KRT73: variants seen among roughly 807,000 people sequenced by gnomAD.
KRT73 encodes the protein keratin 73, also known as keratin, type II cytoskeletal 73.
Under a neutral mutation model 47.2 loss-of-function variants are expected in KRT73, and 44 were observed. That is an observed-to-expected ratio of 0.93 (90% CI 0.73 to 1.20). The LOEUF is 1.20. KRT73 is among the 50% of genes most tolerant of loss of function. The probability of loss-of-function intolerance (pLI) is 0.00; values close to 1 mark genes in which losing one functional copy is unlikely to be tolerated. For missense variants in KRT73, 713 were observed against 704.5 expected, an observed-to-expected ratio of 1.01 and a Z score of -0.14; for synonymous variants, 285 against 291.3, an observed-to-expected ratio of 0.98 and a Z score of 0.22.
At chr12:52,613,547 C>T in intron 5 of KRT73, 141 bp downstream of exon 5, 2 of 1,463,896 alleles carry the variant, frequency 1.4e-6, no homozygotes, top group Non-Finnish European at 1.8e-6. Context: ...CTTCTCCTCC[C>T]CTTTGGCTTC....
rs1940618212 is a variant in KRT73, at chr12:52,608,038, A to G, written c.*158T>C. The G allele has an allele frequency of 1.3e-6, 1 of 751,330 alleles. No homozygotes were observed. Among genetic ancestry groups the G allele is most frequent in the Admixed American group, 2.7e-5 (1 of 37,676 alleles). 46.5% of individuals were successfully genotyped at this position (751,330 alleles called of 1,614,324 possible). ...TCAAATCCTGATTCAACATTAACAA[A>G]GACTGAGGCAGAGAGGTCAAGGAGA... On this transcript the variant is annotated 3_prime_UTR_variant, in exon 9 of 9. Coordinates refer to ENST00000305748, the MANE Select transcript of KRT73 (RefSeq NM_175068.3).
Position 52,608,204 on chromosome 12 carries a change from T to C in KRT73, c.1615A>G (p.Met539Val), listed in dbSNP as rs1243547525. The C allele has an allele frequency of 2.5e-6, 4 of 1,611,466 alleles. No homozygotes were observed. Among genetic ancestry groups the C allele is most frequent in the Admixed American group, 3.3e-5 (2 of 59,780 alleles). The stretch of plus-strand genomic sequence containing the variant: ...TGGGCTGTGTTGCACTTTTATCTCA[T>C]GGTTTTTTTGGTGGGTGAGCTTAGA... ...LALSSPTKKT[M>V]R The change falls in exon 9 of 9, where the codon ATG (methionine) becomes GTG (valine). Residue 539 changes from methionine to valine, a missense_variant. Physicochemically the swap from Met to Val is conservative, Grantham distance 21. Coordinates refer to ENST00000305748, the MANE Select transcript of KRT73 (RefSeq NM_175068.3).
At chr12:52,611,402 G>T in intron 5 of KRT73, 73 bp from the exon 6 acceptor site, 1 of 1,573,410 alleles carries the variant, frequency 6.4e-7, no homozygotes, top group South Asian at 1.1e-5. Context: ...CAGAGACTGT[G>T]CCTGCACTTG....
chr12:52,613,694 C>A lies in KRT73; in HGVS notation c.978G>T (p.Gln326His). 1 of 1,614,140 alleles carries A rather than the reference C, an allele frequency of 6.2e-7. No homozygotes were observed. Among genetic ancestry groups the A allele is most frequent in the Non-Finnish European group, 8.5e-7 (1 of 1,179,988 alleles). The change falls in exon 5 of 9, where the codon CAG becomes CAT. Residue 326 changes from glutamine to histidine, a missense_variant. Physicochemically the swap from Gln to His is conservative, Grantham distance 24. Coordinates refer to ENST00000305748, the MANE Select transcript of KRT73 (RefSeq NM_175068.3). Reference sequence around the variant, plus strand: ...GGGAGTTTTGCGGCCTCACCTTGGTCTGGTACAGGGCCTCGGCCTCGGCCT... The same window carrying A: ...GGGAGTTTTGCGGCCTCACCTTGGTATGGTACAGGGCCTCGGCCTCGGCCT... Reference protein sequence around the residue: ...KSKAEAEALYQTKFQELQLAA... With the variant: ...KSKAEAEALYHTKFQELQLAA...
At chr12:52,616,680 C>T (rs1470745819) in intron 1 of KRT73, among the ~76,000 whole-genome samples, 1 of 152,114 alleles carries the variant, frequency 6.6e-6, no homozygotes, top group Admixed American at 6.5e-5. Context: ...CTGCCTGGAC[C>T]GATGTCCATG....
intron 5 of KRT73, 50 bp from the exon 6 acceptor site, chr12:52,611,379 G>A (rs1365194183): frequency 6.2e-6 from 10 of 1,609,722 alleles, no homozygotes; most frequent in Non-Finnish European, 7.6e-6. Context: ...GCTTGGCTGG[G>A]ATCAGCCTGG....
chr12:52,627,077 G>C, the KRT73 span, among the ~76,000 whole-genome samples: 1 of 152,138 alleles, frequency 6.6e-6, no homozygotes, highest in South Asian at 2.1e-4. Context: ...TATGTGCCCA[G>C]CACTGCTCTG....
In KRT73 at chr12:52,616,185, C is replaced by T. The variant is rs903862050; in HGVS notation, c.643G>A (p.Val215Met). Residue 215 changes from valine (V) to methionine (M), a missense_variant, in exon 2 of 9, where the codon GTG (valine) becomes ATG (methionine). Coordinates refer to ENST00000305748, the MANE Select transcript of KRT73 (RefSeq NM_175068.3). ...GCTCACCTCTTCTTGTAGTCCTCCACCACTTCGCGCACGCTCCTCAGCTCC... is the reference window on the plus strand; with the variant it reads ...GCTCACCTCTTCTTGTAGTCCTCCATCACTTCGCGCACGCTCCTCAGCTCC... ...DSELRSVREV[V>M]EDYKKRYEEE... is the part of the protein sequence containing the mutation. 8 of 1,614,012 alleles carry T rather than the reference C, an allele frequency of 5.0e-6. No homozygotes were observed. Among genetic ancestry groups the T allele is most frequent in the Admixed American group, 1.7e-5 (1 of 60,004 alleles).
upstream of KRT73, chr12:52,618,565 A>G: frequency 2.6e-6 from 4 of 1,544,338 alleles, no homozygotes; most frequent in Non-Finnish European, 3.5e-6. Flanking sequence ...GCTGACCCTT[A>G]GCTGAGATGC....
chr12:52,619,146 C>G (rs968703066), upstream of KRT73, among the ~76,000 whole-genome samples: 1 of 152,218 alleles, frequency 6.6e-6, no homozygotes, highest in Non-Finnish European at 1.5e-5. Flanking sequence ...CTCTCCTGCT[C>G]CTCTGTGCCA....
intron 7 of KRT73, 86 bp downstream of exon 7, chr12:52,610,529 G>GACCCC: frequency 3.4e-6 from 1 of 295,156 alleles, no homozygotes; most frequent in Non-Finnish European, 6.8e-6. Flanking sequence ...CCAGCTCGCC[G>GACCCC]CCCCCTCCCC....
At chr12:52,614,734 A>G (rs2120872324) in intron 3 of KRT73, 60 bp from the exon 4 acceptor site, 1 of 1,415,900 alleles carries the variant, frequency 7.1e-7, no homozygotes, top group South Asian at 1.3e-5. Context: ...AGGCCTCTCC[A>G]GCGAACTGAC....
intron 5 of KRT73, among the ~76,000 whole-genome samples, chr12:52,611,818 A>C (rs1940709356): frequency 6.6e-6 from 1 of 151,844 alleles, no homozygotes; most frequent in African/African-American, 2.4e-5. Flanking sequence ...ACCCTCCCCC[A>C]TCCATCCTCC....
At chr12:52,613,978 C>T (rs1940759053) in intron 4 of KRT73, 126 bp from the exon 5 acceptor site, 3 of 1,412,688 alleles carry the variant, frequency 2.1e-6, no homozygotes, top group Non-Finnish European at 2.9e-6. Flanking sequence ...CTTCCCAAAG[C>T]TTGTAAGAAC....
chr12:52,621,293 G>GGC (rs1555167964), upstream of KRT73, among the ~76,000 whole-genome samples: 1 of 128,168 alleles, frequency 7.8e-6, no homozygotes, highest in African/African-American at 2.8e-5. Flanking sequence ...GAAAGAAAGG[G>GGC]GGGGGGGGGG....
rs775256590 is a variant in KRT73 at position 52,611,306 on chromosome 12, G to A, written c.1008C>T (p.Ala336=). The A allele has an allele frequency of 2.2e-5, 36 of 1,614,056 alleles. No individual in the cohort carries two copies. Among genetic ancestry groups the A allele is most frequent in the Admixed American group, 1.2e-4 (7 of 60,022 alleles). Reference sequence around the variant, plus strand: ...GTTTCAGGTCATCCCCATGCCGGCCGGCTGCTAGCTGCAGCTCCTGGAACT... The same window carrying A: ...GTTTCAGGTCATCCCCATGCCGGCCAGCTGCTAGCTGCAGCTCCTGGAACT... ...QTKFQELQLA[A]GRHGDDLKHT... The change falls in exon 6 of 9, where the codon GCC becomes GCT. Residue 336 remains alanine, a synonymous_variant. Transcript: ENST00000305748.
intron 5 of KRT73, chr12:52,613,241 T>C (rs1940738978): frequency 6.5e-6 from 1 of 154,904 alleles, no homozygotes; most frequent in Non-Finnish European, 1.4e-5. Flanking sequence ...CTCAAACTTC[T>C]GCTTTATCCT....
intron 7 of KRT73, chr12:52,610,312 G>A (rs1449881197): frequency 5.4e-6 from 2 of 368,140 alleles, no homozygotes; most frequent in South Asian, 2.5e-5. Flanking sequence ...CCTGACCTCA[G>A]GTGATCCACC....
intron 7 of KRT73, chr12:52,610,310 C>T (rs954665536): frequency 1.9e-5 from 7 of 368,016 alleles, no homozygotes; most frequent in Non-Finnish European, 3.1e-5. Flanking sequence ...CTCCTGACCT[C>T]AGGTGATCCA....
Sources: allele counts gnomAD v4.1 joint callset (sites outside exome capture counted in the v4.1 genomes callset), GRCh38; gene constraint gnomAD v4.1.1; transcripts MANE v1.5; gene names NCBI Gene and HGNC (gene_info 2026-07-23, HGNC 2026-07-21).